PPP3CA: variants seen among roughly 807,000 people sequenced by gnomAD.
PPP3CA encodes CAM-PRP catalytic subunit.
Under a neutral mutation model 66.5 loss-of-function variants are expected in PPP3CA, and 14 were observed. That is an observed-to-expected ratio of 0.21 (90% CI 0.14 to 0.33). PPP3CA has a LOEUF of 0.33. Ranked by LOEUF, PPP3CA falls within the 10% of genes least tolerant of loss-of-function variation. PPP3CA has a pLI of 1.00. For missense variants in PPP3CA, 317 were observed against 639.5 expected, an observed-to-expected ratio of 0.50 and a Z score of 5.44; for synonymous variants, 232 against 226.2, an observed-to-expected ratio of 1.03 and a Z score of -0.23.
intron 2 of PPP3CA, among the ~76,000 whole-genome samples, chr4:101,152,845 T>C (rs1723185437): frequency 6.6e-6 from 1 of 151,802 alleles, no homozygotes; most frequent in Non-Finnish European, 1.5e-5. Context: ...TAAAAGTAAA[T>C]CTAAGTGTAC....
At chr4:101,214,044 C>T (rs945500071) in intron 1 of PPP3CA, among the ~76,000 whole-genome samples, 3 of 152,098 alleles carry the variant, frequency 2.0e-5, no homozygotes, top group African/African-American at 4.8e-5. Context: ...TACTCATATG[C>T]CAGCCAGAGA....
chr4:101,152,052 G>A (rs889437889), intron 2 of PPP3CA, among the ~76,000 whole-genome samples: 6 of 152,180 alleles, frequency 3.9e-5, no homozygotes, highest in Non-Finnish European at 8.8e-5. Context: ...GAAGTATGGT[G>A]CAGATTTGAG....
At chr4:101,140,153 A>G (rs1310487389) in intron 2 of PPP3CA, among the ~76,000 whole-genome samples, 1 of 152,202 alleles carries the variant, frequency 6.6e-6, no homozygotes, top group African/African-American at 2.4e-5. Context: ...GGTAATTCAT[A>G]ATTGTCCAAA....
intron 1 of PPP3CA, among the ~76,000 whole-genome samples, chr4:101,201,741 A>C (rs1237074158): frequency 1.3e-5 from 2 of 152,248 alleles, no homozygotes; most frequent in African/African-American, 4.8e-5. Flanking sequence ...AGAACAGCTT[A>C]AGCATATCAC....
At chr4:101,290,274 T>C (rs915891641) in intron 1 of PPP3CA, among the ~76,000 whole-genome samples, 1 of 152,214 alleles carries the variant, frequency 6.6e-6, no homozygotes, top group African/African-American at 2.4e-5. Flanking sequence ...ATCTCCAGTT[T>C]GACTTTATCT....
intron 1 of PPP3CA, among the ~76,000 whole-genome samples, chr4:101,281,623 G>C (rs954236784): frequency 6.6e-6 from 1 of 152,186 alleles, no homozygotes; most frequent in African/African-American, 2.4e-5. Context: ...AAGTTATTTA[G>C]GCTATGCTAC....
At chr4:101,344,371 T>C (rs903732927) in intron 1 of PPP3CA, among the ~76,000 whole-genome samples, 15 of 152,194 alleles carry the variant, frequency 9.9e-5, no homozygotes, top group Admixed American at 4.6e-4. Context: ...GAATCCAACC[T>C]TGTATAATGC....
intron 1 of PPP3CA, among the ~76,000 whole-genome samples, chr4:101,210,357 A>G (rs1043583557): frequency 2.6e-5 from 4 of 152,180 alleles, no homozygotes; most frequent in African/African-American, 7.2e-5. Flanking sequence ...TGAAGGAGTT[A>G]AAAGTATGAA....
chr4:101,192,353 C>T (rs1724634361), intron 2 of PPP3CA, among the ~76,000 whole-genome samples: 1 of 152,136 alleles, frequency 6.6e-6, no homozygotes, highest in Admixed American at 6.5e-5. Context: ...TCTTCCTACT[C>T]ATCTCATCCA....
At position 101,281,542 on chromosome 4, in the gene PPP3CA, A is replaced by C. The variant is rs563108086; in HGVS notation, c.58+65197T>G. On this transcript the variant is annotated intron_variant, in intron 1 of 13. Coordinates refer to ENST00000394854, the MANE Select transcript of PPP3CA (RefSeq NM_000944.5). ...ATAATATAATTTGATTTGTATAAAA[A>C]GTTAATATAATTGAGTTGGCTATGA... Among the ~76,000 whole-genome samples the C allele has an allele frequency of 1.5e-3, 226 of 151,838 alleles. 2 individuals carry two copies. Among genetic ancestry groups the C allele is most frequent in the African/African-American group, 5.3e-3 (220 of 41,188 alleles).
intron 1 of PPP3CA, among the ~76,000 whole-genome samples, chr4:101,294,518 C>A (rs1728130669): frequency 7.1e-6 from 1 of 140,312 alleles, no homozygotes; most frequent in South Asian, 2.5e-4. Flanking sequence ...AATTTCATGC[C>A]TTACATGTAC....
At chr4:101,281,572 G>C (rs1412903694) in intron 1 of PPP3CA, among the ~76,000 whole-genome samples, 1 of 124,864 alleles carries the variant, frequency 8.0e-6, no homozygotes, top group South Asian at 2.3e-4. Flanking sequence ...CTATGAATGA[G>C]AATGTATCAA....
At chr4:101,093,616 C>T (rs971343790) in intron 6 of PPP3CA, among the ~76,000 whole-genome samples, 160 bp downstream of exon 6, 2 of 152,130 alleles carry the variant, frequency 1.3e-5, no homozygotes, top group African/African-American at 4.8e-5. Flanking sequence ...TATTTACTCA[C>T]TTATTCATTT....
Position 101,256,141 on chromosome 4 carries a change from C to T in PPP3CA, c.59-60025G>A, listed in dbSNP as rs78351895. ...TTTTTATTGAAAACATATTACAAAACGTAACAAAGGTACATATATGAATTC... is the reference window on the plus strand; with the variant it reads ...TTTTTATTGAAAACATATTACAAAATGTAACAAAGGTACATATATGAATTC... On this transcript the variant is annotated intron_variant, in intron 1 of 13. Coordinates refer to ENST00000394854, the MANE Select transcript of PPP3CA (RefSeq NM_000944.5). Among the ~76,000 whole-genome samples the T allele has an allele frequency of 3.4e-3, 517 of 151,904 alleles. 2 individuals are homozygous for T. The highest frequency in any genetic ancestry group is 0.012 in the African/African-American group (484 of 41,494).
intron 6 of PPP3CA, among the ~76,000 whole-genome samples, chr4:101,086,251 C>T (rs1226518312): frequency 1.3e-5 from 2 of 151,594 alleles, no homozygotes; most frequent in Non-Finnish European, 2.9e-5. Context: ...AAGAGAATGA[C>T]GTATGCAGAT....
intron 1 of PPP3CA, among the ~76,000 whole-genome samples, chr4:101,307,809 A>T (rs1728594619): frequency 6.6e-6 from 1 of 152,210 alleles, no homozygotes; most frequent in Non-Finnish European, 1.5e-5. Flanking sequence ...GTAACCAAGG[A>T]GGTTATACTG....
intron 1 of PPP3CA, among the ~76,000 whole-genome samples, chr4:101,226,355 A>T (rs1725782147): frequency 6.6e-6 from 1 of 151,806 alleles, no homozygotes; most frequent in Non-Finnish European, 1.5e-5. Flanking sequence ...GGAAAAATGC[A>T]GAACCTCCTG....
At chr4:101,278,252 G>A (rs929445325) in intron 1 of PPP3CA, among the ~76,000 whole-genome samples, 1 of 151,664 alleles carries the variant, frequency 6.6e-6, no homozygotes, top group African/African-American at 2.4e-5. Context: ...AGCTTACAAT[G>A]AGGTAAGCAT....
At chr4:101,146,987 C>T (rs1039356151) in intron 2 of PPP3CA, among the ~76,000 whole-genome samples, 25 of 152,248 alleles carry the variant, frequency 1.6e-4, no homozygotes, top group African/African-American at 5.8e-4. Context: ...TAAACTGTAT[C>T]TCATTTAATT....
Sources: gnomAD v4.1 joint callset for allele counts (sites outside exome capture counted in the v4.1 genomes callset) on GRCh38, gnomAD v4.1.1 for gene constraint, MANE v1.5 for transcripts, NCBI Gene and HGNC (gene_info 2026-07-23, HGNC 2026-07-21) for gene names.